CSMD3: variants seen among roughly 807,000 people sequenced by gnomAD.
CSMD3 encodes CUB and Sushi multiple domains 3.
Under a neutral mutation model 435.2 loss-of-function variants are expected in CSMD3, and 177 were observed. The ratio of observed to expected loss-of-function variants is 0.41; its 90% confidence interval spans 0.36 to 0.46. The LOEUF (loss-of-function observed/expected upper bound fraction) is 0.46, where lower values mean the gene tolerates loss of function less well. Ranked by LOEUF, CSMD3 falls within the 20% of genes least tolerant of loss-of-function variation. CSMD3 has a pLI of 0.34. For missense variants in CSMD3, 4,265 were observed against 4,504.6 expected, an observed-to-expected ratio of 0.95 and a Z score of 1.52; for synonymous variants, 1,656 against 1,520.5, an observed-to-expected ratio of 1.09 and a Z score of -2.07.
In CSMD3 at chr8:112,247,002, C is replaced by A. The variant is rs368250549; in HGVS notation, c.10222+18G>T. The A allele has an allele frequency of 1.3e-6, 2 of 1,541,080 alleles. No homozygotes were observed. Among genetic ancestry groups the A allele is most frequent in the Non-Finnish European group, 1.8e-6 (2 of 1,113,826 alleles). ...ATTCTTACCCATGATAGCATTATTT[C>A]TTATCCATAATACTTACGTATGCAT... is the stretch of plus-strand genomic sequence containing the variant. On this transcript the variant is annotated intron_variant, in intron 64 of 70. Transcript: ENST00000297405.
chr8:113,096,849 T>G lies in CSMD3; in HGVS notation c.917+1907A>C, dbSNP rs1306103220. On this transcript the variant is annotated intron_variant, in intron 5 of 70. Coordinates refer to ENST00000297405, the MANE Select transcript of CSMD3 (RefSeq NM_198123.2). ...AACTTCCTTATATTCATCAGGACTT[T>G]GCTCAAATATCAACTTTACAATTAA... 4.6e-5 allele frequency among the ~76,000 whole-genome samples: 7 copies of G among 152,234 alleles called. No homozygotes were observed. In the East Asian group the frequency reaches 9.6e-4, roughly 21 times the overall value.
intron 27 of CSMD3, among the ~76,000 whole-genome samples, chr8:112,547,987 A>G (rs908522681): frequency 5.3e-5 from 8 of 152,182 alleles, no homozygotes; most frequent in Admixed American, 5.2e-4. Flanking sequence ...TAATTTAGGT[A>G]AAGCACTGAA....
intron 3 of CSMD3, among the ~76,000 whole-genome samples, chr8:113,219,981 A>G (rs1284761770): frequency 1.3e-5 from 2 of 151,540 alleles, no homozygotes; most frequent in Non-Finnish European, 3.0e-5. Flanking sequence ...TCATAAACAC[A>G]CAATTCAATA....
chr8:112,845,849 G>C (rs1446989192), intron 11 of CSMD3, among the ~76,000 whole-genome samples: 2 of 151,908 alleles, frequency 1.3e-5, no homozygotes, highest in East Asian at 3.9e-4. Flanking sequence ...TTTGTATTTA[G>C]ATATGTGAAG....
intron 13 of CSMD3, among the ~76,000 whole-genome samples, chr8:112,768,730 A>C (rs2078040318): frequency 6.6e-6 from 1 of 151,882 alleles, no homozygotes; most frequent in African/African-American, 2.4e-5. Context: ...AAAACAAAAC[A>C]AAACAAAATT....
chr8:112,671,127 T>A (rs1401559800), intron 16 of CSMD3, among the ~76,000 whole-genome samples: 1 of 152,100 alleles, frequency 6.6e-6, no homozygotes, highest in Non-Finnish European at 1.5e-5. Flanking sequence ...AATAGAATAG[T>A]TTATATCTCA....
At chr8:113,323,506 T>C (rs553461493) in intron 1 of CSMD3, among the ~76,000 whole-genome samples, 3 of 152,318 alleles carry the variant, frequency 2.0e-5, no homozygotes, top group African/African-American at 7.2e-5. Context: ...TGTGTTTTGA[T>C]TAACTGAAGG....
At chr8:112,281,507 G>A (rs1818639396) in intron 58 of CSMD3, among the ~76,000 whole-genome samples, 157 bp from the exon 59 acceptor site, 1 of 152,160 alleles carries the variant, frequency 6.6e-6, no homozygotes, top group Admixed American at 6.6e-5. Flanking sequence ...AATTCAAGAT[G>A]AATGTATGTT....
At chr8:113,294,107 C>G (rs1287438628) in intron 2 of CSMD3, among the ~76,000 whole-genome samples, 4 of 151,944 alleles carry the variant, frequency 2.6e-5, no homozygotes, top group Non-Finnish European at 5.9e-5. Context: ...CCATGTATTA[C>G]ATTAAGAATT....
chr8:112,320,438 C>A (rs1393470289), intron 45 of CSMD3, among the ~76,000 whole-genome samples: 1 of 152,020 alleles, frequency 6.6e-6, no homozygotes, highest in Non-Finnish European at 1.5e-5. Flanking sequence ...TAACTCAATC[C>A]TCACAAAAAA....
At chr8:112,418,240 T>C (rs111323114) in intron 32 of CSMD3, among the ~76,000 whole-genome samples, 5 of 152,292 alleles carry the variant, frequency 3.3e-5, no homozygotes, top group African/African-American at 1.2e-4. Context: ...TATGTGAATT[T>C]CTGACTCGTA....
intron 9 of CSMD3, among the ~76,000 whole-genome samples, chr8:112,947,253 GTTGT>G (rs1339386352): frequency 1.3e-5 from 2 of 151,644 alleles, no homozygotes; most frequent in African/African-American, 4.8e-5. Flanking sequence ...AATTCTCTAG[GTTGT>G]TTAACTTAAT....
chr8:112,659,688 A>G (rs2075335412), intron 17 of CSMD3, among the ~76,000 whole-genome samples: 1 of 152,188 alleles, frequency 6.6e-6, no homozygotes. Context: ...ATAAACAAAA[A>G]CAAAAATTCC....
intron 23 of CSMD3, among the ~76,000 whole-genome samples, chr8:112,577,470 T>C (rs1209156757): frequency 6.6e-6 from 1 of 152,106 alleles, no homozygotes; most frequent in East Asian, 1.9e-4. Context: ...CTAATTAAAA[T>C]CAAGACCTTT....
chr8:113,048,388 C>T (rs1020444682), intron 5 of CSMD3, among the ~76,000 whole-genome samples: 3 of 152,094 alleles, frequency 2.0e-5, no homozygotes, highest in Non-Finnish European at 2.9e-5. Context: ...CCACCGCGCC[C>T]AGCCAAACTT....
chr8:113,030,556 T>C (rs1417507468), intron 5 of CSMD3, among the ~76,000 whole-genome samples: 1 of 149,170 alleles, frequency 6.7e-6, no homozygotes, highest in African/African-American at 2.5e-5. Context: ...TAAAAGTAAA[T>C]CTACGAAACA....
intron 16 of CSMD3, 43 bp downstream of exon 16, chr8:112,682,399 T>C (rs1271301608): frequency 1.4e-6 from 2 of 1,411,604 alleles, no homozygotes; most frequent in Non-Finnish European, 2.0e-6. Context: ...TTCTTGTACA[T>C]AATGATGATG....
At chr8:112,591,375 C>A (rs549604374) in intron 22 of CSMD3, among the ~76,000 whole-genome samples, 1 of 152,016 alleles carries the variant, frequency 6.6e-6, no homozygotes. Context: ...AGCAGGGATA[C>A]CCAAAAACAG....
intron 5 of CSMD3, among the ~76,000 whole-genome samples, chr8:113,021,873 T>C (rs916692397): frequency 1.3e-5 from 2 of 152,142 alleles, no homozygotes; most frequent in Non-Finnish European, 2.9e-5. Flanking sequence ...CTAAGAAGTA[T>C]TCCTGACAGC....
Sources: allele counts gnomAD v4.1 joint callset (sites outside exome capture counted in the v4.1 genomes callset), GRCh38; gene constraint gnomAD v4.1.1; transcripts MANE v1.5; gene names NCBI Gene and HGNC (gene_info 2026-07-23, HGNC 2026-07-21).